Variants in LHFPL3 observed in about 807,000 individuals in gnomAD.
LHFPL3 encodes LHFPL tetraspan subfamily member 3, also known as LHFPL tetraspan subfamily member 3 protein.
In LHFPL3, 5 loss-of-function variants were observed where a neutral mutation model predicts 19.3. The observed-to-expected ratio is 0.26, with a 90% CI of 0.14 to 0.54. The LOEUF is 0.54. Among genes scored for constraint, LHFPL3 ranks in the 20% least tolerant of loss-of-function variants. LHFPL3 has a pLI of 0.94. For synonymous variants in LHFPL3, 133 were observed against 126.2 expected, an observed-to-expected ratio of 1.05 and a Z score of -0.36; for missense variants, 249 against 307.4, an observed-to-expected ratio of 0.81 and a Z score of 1.42.
chr7:104,535,684 C>T (rs890159479), intron 1 of LHFPL3, among the ~76,000 whole-genome samples: 5 of 152,116 alleles, frequency 3.3e-5, no homozygotes, highest in African/African-American at 9.7e-5. Context: ...GCCCTGTGCC[C>T]GTGGAGGATG....
At chr7:104,600,799 A>G (rs894259730) in intron 1 of LHFPL3, among the ~76,000 whole-genome samples, 4 of 152,190 alleles carry the variant, frequency 2.6e-5, no homozygotes, top group African/African-American at 7.2e-5. Flanking sequence ...CACGATTCCT[A>G]TAAATAAGGA....
At chr7:104,784,445 C>T (rs146283309) in intron 2 of LHFPL3, among the ~76,000 whole-genome samples, 2 of 152,300 alleles carry the variant, frequency 1.3e-5, no homozygotes, top group East Asian at 1.9e-4. Flanking sequence ...CTCTGCTCAG[C>T]ACACAGCTAA....
intron 1 of LHFPL3, among the ~76,000 whole-genome samples, chr7:104,658,777 G>A (rs1005330300): frequency 6.6e-6 from 1 of 152,120 alleles, no homozygotes; most frequent in East Asian, 1.9e-4. Flanking sequence ...CCGACAGAGC[G>A]AGACTTCATC....
chr7:104,658,785 A>G (rs1437983423), intron 1 of LHFPL3, among the ~76,000 whole-genome samples: 1 of 152,192 alleles, frequency 6.6e-6, no homozygotes, highest in East Asian at 1.9e-4. Flanking sequence ...GCGAGACTTC[A>G]TCTCAAAAAA....
rs186231274 is a variant in LHFPL3, at chr7:104,649,399, C to T, written c.446-87276C>T. On this transcript the variant is annotated intron_variant, in intron 1 of 2. Transcript: ENST00000424859. ...GAGGTGGCATGAACCTCTTACCACA[C>T]AATAACAGAGTGGGGGAGAGGGTCT... Among the ~76,000 whole-genome samples the T allele has an allele frequency of 9.2e-5, 14 of 152,244 alleles. No individual in the cohort carries two copies. The East Asian group carries it at 2.5e-3, about 27-fold the overall frequency.
At chr7:104,735,163 G>A (rs1013523147) in intron 1 of LHFPL3, among the ~76,000 whole-genome samples, 3 of 152,196 alleles carry the variant, frequency 2.0e-5, no homozygotes, top group African/African-American at 7.2e-5. Flanking sequence ...ACTCAGGAGT[G>A]AGGGACCCAC....
intron 1 of LHFPL3, among the ~76,000 whole-genome samples, chr7:104,353,604 T>C (rs1456009794): frequency 6.6e-6 from 1 of 152,248 alleles, no homozygotes; most frequent in Non-Finnish European, 1.5e-5. Context: ...CTTATTTTCT[T>C]CATCAATGCC....
intron 1 of LHFPL3, among the ~76,000 whole-genome samples, chr7:104,421,609 C>G (rs142080474): frequency 4.1e-3 from 625 of 152,166 alleles, no homozygotes; most frequent in African/African-American, 0.014. Context: ...AAGCCAGAGA[C>G]AAGATTACAG....
At chr7:104,469,511 C>G (rs1445766025) in intron 1 of LHFPL3, among the ~76,000 whole-genome samples, 1 of 152,204 alleles carries the variant, frequency 6.6e-6, no homozygotes, top group South Asian at 2.1e-4. Flanking sequence ...TAATATTAAC[C>G]AGGTTTAGCT....
chr7:104,741,315 C>G (rs1793932140), intron 2 of LHFPL3, among the ~76,000 whole-genome samples: 1 of 151,976 alleles, frequency 6.6e-6, no homozygotes, highest in Admixed American at 6.6e-5. Flanking sequence ...TTTTAACATA[C>G]TTAAAAAGTA....
At position 104,815,456 on chromosome 7, in the gene LHFPL3, G is replaced by A. The variant is rs111881497; in HGVS notation, c.682+78545G>A. On this transcript the variant is annotated intron_variant, in intron 2 of 2. Coordinates refer to ENST00000424859, the MANE Select transcript of LHFPL3 (RefSeq NM_199000.3). Reference sequence around the variant, plus strand: ...TCACTTTATAATTCTGTGTTAAACTGTGCCTTTGTATTTTGTGCACTCTTC... The same window carrying A: ...TCACTTTATAATTCTGTGTTAAACTATGCCTTTGTATTTTGTGCACTCTTC... Among the ~76,000 whole-genome samples, 1,445 of 152,304 alleles carry A rather than the reference G, an allele frequency of 9.5e-3. 29 individuals carry two copies. Among genetic ancestry groups the A allele is most frequent in the African/African-American group, 0.033 (1,374 of 41,556 alleles).
At chr7:104,851,950 T>C (rs1390739039) in intron 2 of LHFPL3, among the ~76,000 whole-genome samples, 1 of 152,034 alleles carries the variant, frequency 6.6e-6, no homozygotes, top group Non-Finnish European at 1.5e-5. Context: ...CCATCATTCC[T>C]TCCTCCTCCC....
chr7:104,699,102 A>G (rs10273020), intron 1 of LHFPL3, among the ~76,000 whole-genome samples: 51,905 of 152,078 alleles, frequency 0.34, 9,270 homozygotes, highest in South Asian at 0.55. Flanking sequence ...TAACTGTAAA[A>G]TGGGGCAACT....
At chr7:104,553,918 T>G (rs1026302279) in intron 1 of LHFPL3, among the ~76,000 whole-genome samples, 17 of 152,170 alleles carry the variant, frequency 1.1e-4, no homozygotes, top group Admixed American at 7.2e-4. Context: ...TATTGTAGAT[T>G]GTGAAGTCAG....
intron 2 of LHFPL3, among the ~76,000 whole-genome samples, chr7:104,882,234 TTTATTTATTTATTTAC>T: frequency 6.6e-6 from 1 of 152,004 alleles, no homozygotes; most frequent in Non-Finnish European, 1.5e-5. Flanking sequence ...CTACATTTCA[TTTATTTATTTATTTAC>T]TTATTTATTT....
chr7:104,731,051 G>A (rs1017255368), intron 1 of LHFPL3, among the ~76,000 whole-genome samples: 1 of 152,182 alleles, frequency 6.6e-6, no homozygotes, highest in Non-Finnish European at 1.5e-5. Context: ...AGATCAGATA[G>A]TTGTAGATGT....
At chr7:104,394,866 A>G (rs1342747862) in intron 1 of LHFPL3, among the ~76,000 whole-genome samples, 1 of 151,832 alleles carries the variant, frequency 6.6e-6, no homozygotes, top group Non-Finnish European at 1.5e-5. Context: ...GCGTCAGGAT[A>G]ATTTTTGTAT....
chr7:104,713,098 A>G (rs1274988711), intron 1 of LHFPL3, among the ~76,000 whole-genome samples: 2 of 152,166 alleles, frequency 1.3e-5, no homozygotes, highest in African/African-American at 4.8e-5. Context: ...ATTGTTCTCA[A>G]TTTCCATTTA....
chr7:104,375,209 T>G (rs1194449712), intron 1 of LHFPL3, among the ~76,000 whole-genome samples: 2 of 151,958 alleles, frequency 1.3e-5, no homozygotes, highest in Non-Finnish European at 1.5e-5. Flanking sequence ...TGTGGTGGTG[T>G]GCACCTGTAG....
Sources: allele counts gnomAD v4.1 joint callset (sites outside exome capture counted in the v4.1 genomes callset), GRCh38; gene constraint gnomAD v4.1.1; transcripts MANE v1.5; gene names NCBI Gene and HGNC (gene_info 2026-07-23, HGNC 2026-07-21).